The following ARHGAP6 variants were observed in gnomAD, a reference collection of about 807,000 sequenced individuals.
ARHGAP6 encodes rho GTPase-activating protein 6.
In ARHGAP6, 16 loss-of-function variants were observed where a neutral mutation model predicts 55.7. The observed-to-expected ratio is 0.29, with a 90% CI of 0.19 to 0.44. The LOEUF is 0.44. Ranked by LOEUF, ARHGAP6 falls within the 20% of genes least tolerant of loss-of-function variation. ARHGAP6 has a pLI of 1.00. For missense variants in ARHGAP6, 698 were observed against 808.9 expected (o/e 0.86, Z 1.66); for synonymous variants, 382 against 360.9 (o/e 1.06, Z -0.66).
At chrX:11,299,348 G>C (rs1012828582) in intron 1 of ARHGAP6, among the ~76,000 whole-genome samples, 3 of 112,120 alleles carry the variant, frequency 2.7e-5, no homozygotes, top group Non-Finnish European at 5.6e-5. Context: ...GAATAGGCTA[G>C]AGTTGCACTG....
intron 8 of ARHGAP6, among the ~76,000 whole-genome samples, chrX:11,175,081 C>T (rs934919390): frequency 1.6e-4 from 18 of 111,689 alleles, no homozygotes; most frequent in Non-Finnish European, 9.4e-5. Flanking sequence ...ACTCACTCTC[C>T]CTTTGTCTCT....
At chrX:11,462,279 G>A (rs1267533205) in intron 1 of ARHGAP6, among the ~76,000 whole-genome samples, 1 of 111,759 alleles carries the variant, frequency 8.9e-6, no homozygotes, top group Non-Finnish European at 1.9e-5. Context: ...TGTGACCTGA[G>A]CTGAGTCACA....
At chrX:11,215,166 T>TG (rs886869761) in intron 2 of ARHGAP6, among the ~76,000 whole-genome samples, 4 of 112,443 alleles carry the variant, frequency 3.6e-5, no homozygotes, top group African/African-American at 9.7e-5. Context: ...ACAGGACACT[T>TG]GGGGTCACCG....
chrX:11,596,407 C>T (rs2051903620), intron 1 of ARHGAP6, among the ~76,000 whole-genome samples: 1 of 110,894 alleles, frequency 9.0e-6, no homozygotes, highest in Non-Finnish European at 1.9e-5. Flanking sequence ...GAACATCACA[C>T]ACCAAGACCT....
intron 1 of ARHGAP6, among the ~76,000 whole-genome samples, chrX:11,511,176 C>T (rs2050781908): frequency 8.9e-6 from 1 of 111,946 alleles, no homozygotes; most frequent in Admixed American, 9.5e-5. Context: ...ATCTATGGTT[C>T]CTGAATGGGT....
At chrX:11,443,656 C>T (rs973346497) in intron 1 of ARHGAP6, among the ~76,000 whole-genome samples, 2 of 112,461 alleles carry the variant, frequency 1.8e-5, no homozygotes, top group African/African-American at 3.2e-5. Context: ...CTACCAGGTG[C>T]GGTGGCTCAC....
chrX:11,664,445 G>C lies in ARHGAP6; in HGVS notation c.384C>G (p.Arg128=). 1 of 1,211,619 alleles carries C rather than the reference G, an allele frequency of 8.3e-7. No individual in the cohort carries two copies. Among genetic ancestry groups the C allele is most frequent in the Non-Finnish European group, 1.1e-6 (1 of 895,259 alleles). Residue 128 remains arginine (R), a synonymous_variant, in exon 1 of 13, where the codon CGC becomes CGG. Coordinates refer to ENST00000337414, the MANE Select transcript of ARHGAP6 (RefSeq NM_013427.3). ...AGGCCATGCTCTTCTTGAGGCCGCC[G>C]CGACCCAGGGGAACCTCATAGTCAA... ...FHFDYEVPLG[R]GGLKKSMAWD... is the part of the protein sequence containing the mutation.
At chrX:11,539,255 T>A (rs993785582) in intron 1 of ARHGAP6, among the ~76,000 whole-genome samples, 3 of 111,971 alleles carry the variant, frequency 2.7e-5, no homozygotes, top group Non-Finnish European at 5.6e-5. Context: ...CAAAAATGTC[T>A]CCAGACAATG....
At chrX:11,169,112 A>AAAT (rs1342525104) in intron 9 of ARHGAP6, 1 of 121,983 alleles carries the variant, frequency 8.2e-6, no homozygotes, top group Non-Finnish European at 1.7e-5. Flanking sequence ...GTAGGAGGTA[A>AAAT]AATGTCAAGA....
intron 1 of ARHGAP6, among the ~76,000 whole-genome samples, chrX:11,550,113 T>C (rs1030315929): frequency 3.9e-4 from 44 of 112,144 alleles, no homozygotes; most frequent in African/African-American, 1.4e-3. Flanking sequence ...CCTATGCTTA[T>C]ATGGACTTCA....
chrX:11,138,767 G>A lies in ARHGAP6; in HGVS notation c.*96C>T, dbSNP rs1602715689. On this transcript the variant is annotated 3_prime_UTR_variant, in exon 13 of 13. Coordinates refer to ENST00000337414, the MANE Select transcript of ARHGAP6 (RefSeq NM_013427.3). ...TGTGTCACTTTTGAGAAGTGTGAAA[G>A]AAGAACACTAAGTGTGCCAGTGGCC... 6.3e-6 allele frequency: 6 copies of A among 945,016 alleles called. No individual in the cohort carries two copies. The East Asian group carries it at 2.0e-4, about 32-fold the overall frequency. The allele number at this position is 945,016 out of a possible 1,213,427, so 77.9% of individuals were successfully genotyped here.
At chrX:11,387,558 AT>A (rs1279669493) in intron 1 of ARHGAP6, among the ~76,000 whole-genome samples, 2 of 110,979 alleles carry the variant, frequency 1.8e-5, no homozygotes, top group African/African-American at 6.5e-5. Context: ...AAAGGAAGAA[AT>A]TTTTTTATTA....
chrX:11,487,130 T>C (rs752901829), intron 1 of ARHGAP6, among the ~76,000 whole-genome samples: 1 of 112,451 alleles, frequency 8.9e-6, no homozygotes, highest in Non-Finnish European at 1.9e-5. Context: ...GATTTTTCAA[T>C]ACATAGAGAT....
intron 1 of ARHGAP6, among the ~76,000 whole-genome samples, chrX:11,398,537 T>C (rs1297697604): frequency 8.9e-6 from 1 of 111,879 alleles, no homozygotes; most frequent in Non-Finnish European, 1.9e-5. Flanking sequence ...CGTTTTTTCC[T>C]AGATATAAGA....
chrX:11,553,557 A>T lies in ARHGAP6; in HGVS notation c.588+110684T>A, dbSNP rs147364483. Among the ~76,000 whole-genome samples the T allele has an allele frequency of 5.5e-3, 612 of 111,860 alleles. 2 individuals carry two copies. The highest frequency in any genetic ancestry group is 0.019 in the African/African-American group (582 of 30,786). On this transcript the variant is annotated intron_variant, in intron 1 of 12. Coordinates refer to ENST00000337414, the MANE Select transcript of ARHGAP6 (RefSeq NM_013427.3). ...TGCACCTGGCCAGAACGTTTTAAAT[A>T]AGAGCTATGAGAGAATGAGATCCCC...
intron 6 of ARHGAP6, among the ~76,000 whole-genome samples, chrX:11,181,755 A>G (rs1158643911): frequency 8.9e-6 from 1 of 112,560 alleles, no homozygotes; most frequent in East Asian, 2.8e-4. Flanking sequence ...TATATCATTT[A>G]TTGATCAGTC....
chrX:11,315,980 G>A (rs181424906), intron 1 of ARHGAP6, among the ~76,000 whole-genome samples: 1 of 111,789 alleles, frequency 8.9e-6, no homozygotes. Flanking sequence ...CCCCATCTAA[G>A]TCAATAGCAA....
At chrX:11,267,648 C>T (rs1442666730) in intron 1 of ARHGAP6, among the ~76,000 whole-genome samples, 1 of 112,310 alleles carries the variant, frequency 8.9e-6, no homozygotes, top group Non-Finnish European at 1.9e-5. Flanking sequence ...GAGACATACA[C>T]TGTCAGGTCA....
At chrX:11,174,632 TTTC>T (rs745909009) in intron 8 of ARHGAP6, among the ~76,000 whole-genome samples, 646 of 30,314 alleles carry the variant, frequency 0.021, 1 homozygote, top group Admixed American at 0.051. Context: ...CTTTTCTTTC[TTTC>T]TTTCTTTCTT....
Sources: allele counts gnomAD v4.1 joint callset (sites outside exome capture counted in the v4.1 genomes callset), GRCh38; gene constraint gnomAD v4.1.1; transcripts MANE v1.5; gene names NCBI Gene and HGNC (gene_info 2026-07-23, HGNC 2026-07-21).